ADAMTS2: variants seen among roughly 807,000 people sequenced by gnomAD.
The protein encoded by ADAMTS2 is ADAM metallopeptidase with thrombospondin type 1 motif 2, also known as A disintegrin and metalloproteinase with thrombospondin motifs 2.
A neutral mutation model predicts 123.0 loss-of-function variants in ADAMTS2; 50 were observed. That is an observed-to-expected ratio of 0.41 (90% CI 0.32 to 0.51). ADAMTS2 has a LOEUF of 0.51. ADAMTS2 is among the 20% of genes least tolerant of loss of function. The pLI is 0.35. For missense variants in ADAMTS2, 1,494 were observed against 1,705.2 expected, an observed-to-expected ratio of 0.88 and a Z score of 2.18; for synonymous variants, 678 against 695.4, an observed-to-expected ratio of 0.98 and a Z score of 0.39.
chr5:179,339,561 C>A (rs940186514), intron 2 of ADAMTS2, among the ~76,000 whole-genome samples: 1 of 152,170 alleles, frequency 6.6e-6, no homozygotes, highest in Non-Finnish European at 1.5e-5. Context: ...ACAAGTATGG[C>A]GGAGGCTGAG....
At chr5:179,173,831 G>A (rs1763875725) in intron 5 of ADAMTS2, among the ~76,000 whole-genome samples, 1 of 152,122 alleles carries the variant, frequency 6.6e-6, no homozygotes, top group Non-Finnish European at 1.5e-5. Flanking sequence ...GGCCAACCTG[G>A]TGAAACCCCA....
At chr5:179,126,157 C>T (rs372108778) in intron 17 of ADAMTS2, 27 bp from the exon 18 acceptor site, 143 of 1,612,456 alleles carry the variant, frequency 8.9e-5, no homozygotes, top group African/African-American at 8.0e-5. Context: ...CGACGGGGGT[C>T]GGTGGGGCAG....
chr5:179,318,035 G>T (rs1447850359), intron 2 of ADAMTS2, among the ~76,000 whole-genome samples: 1 of 152,152 alleles, frequency 6.6e-6, no homozygotes, highest in African/African-American at 2.4e-5. Flanking sequence ...CCTCCCCAAA[G>T]GTCAGGCAGG....
rs1243790535 is a variant in ADAMTS2 at position 179,262,817 on chromosome 5, G to A, written c.688+10094C>T. ...CTGTGAGCCCAGAGAACAGGGACTCGATCGGGTTCCTCCGCTGCTACAGCC... is the reference window on the plus strand; with the variant it reads ...CTGTGAGCCCAGAGAACAGGGACTCAATCGGGTTCCTCCGCTGCTACAGCC... On this transcript the variant is annotated intron_variant, in intron 3 of 21. Coordinates refer to ENST00000251582, the MANE Select transcript of ADAMTS2 (RefSeq NM_014244.5). This position sits in a 1 kb window ranked among gnomAD's most constrained non-coding sequence, Gnocchi z 5.9. Among the ~76,000 whole-genome samples the A allele has an allele frequency of 2.0e-5, 3 of 152,244 alleles. No individual in the cohort carries two copies. The highest frequency in any genetic ancestry group is 4.4e-5 in the Non-Finnish European group (3 of 68,036).
rs961791212 is a variant in ADAMTS2 at position 179,307,147 on chromosome 5, C to G, written c.535-34083G>C. Among the ~76,000 whole-genome samples, 18 of 152,190 alleles carry G rather than the reference C, an allele frequency of 1.2e-4. No homozygotes were observed. Among genetic ancestry groups the G allele is most frequent in the African/African-American group, 4.1e-4 (17 of 41,468 alleles). On this transcript the variant is annotated intron_variant, in intron 2 of 21. Transcript: ENST00000251582. This position sits in a 1 kb window ranked among gnomAD's most constrained non-coding sequence, Gnocchi z 5.6. ...AAGCCCGGCCCAGACCCTCGCCCTG[C>G]TAGCATGAGACAGACACAGGGGGCC...
At position 179,126,093 on chromosome 5, in the gene ADAMTS2, C is replaced by T. The variant is rs2113190514; in HGVS notation, c.2655G>A (p.Leu885=). ...QFTKYGCRRR[L]DHKMVHRGFC... ...AGCCACGGTGTACCATCTTGTGGTC[C>T]AGCCTCCGGCGGCAGCCATACTTGG... The change falls in exon 18 of 22, where the codon CTG becomes CTA. Residue 885 remains leucine, a synonymous_variant. Coordinates refer to ENST00000251582, the MANE Select transcript of ADAMTS2 (RefSeq NM_014244.5). 1 of 1,613,116 alleles carries T rather than the reference C, an allele frequency of 6.2e-7. No homozygotes were observed. The highest frequency in any genetic ancestry group is 8.5e-7 in the Non-Finnish European group (1 of 1,180,024).
At chr5:179,217,794 A>AGATAGGCACACTCACTAGGAGATGGTGTG (rs1189597143) in intron 3 of ADAMTS2, among the ~76,000 whole-genome samples, 20 of 91,272 alleles carry the variant, frequency 2.2e-4, no homozygotes, top group Non-Finnish European at 2.9e-4. Flanking sequence ...GGGATGGCGC[A>AGATAGGCACACTCACTAGGAGATGGTGTG]AGGGGGGGAT....
At chr5:179,264,174 C>T (rs937909750) in intron 3 of ADAMTS2, among the ~76,000 whole-genome samples, 8 of 152,160 alleles carry the variant, frequency 5.3e-5, no homozygotes, top group Non-Finnish European at 8.8e-5. Flanking sequence ...TCTCACCTGT[C>T]GCCCCACCCC....
At chr5:179,223,734 CACATGTGAGT>C (rs1385531880) in intron 3 of ADAMTS2, among the ~76,000 whole-genome samples, 3 of 152,242 alleles carry the variant, frequency 2.0e-5, no homozygotes, top group Non-Finnish European at 4.4e-5. Flanking sequence ...ATACATTCAT[CACATGTGAGT>C]GTATGTGAGT....
At position 179,128,824 on chromosome 5, in the gene ADAMTS2, C is replaced by T. The variant is rs1250690328; in HGVS notation, c.2458-706G>A. ...CAACACATGTATTTTCTTCTTAAGA[C>T]ACCACTGCTTCCTGGGCTTAGGAAC... On this transcript the variant is annotated intron_variant, in intron 16 of 21. Coordinates refer to ENST00000251582, the MANE Select transcript of ADAMTS2 (RefSeq NM_014244.5). This position sits in a 1 kb window ranked among gnomAD's most constrained non-coding sequence, Gnocchi z 4.9. Among the ~76,000 whole-genome samples the T allele has an allele frequency of 1.3e-5, 2 of 152,230 alleles. No homozygotes were observed. The highest frequency in any genetic ancestry group is 1.3e-4 in the Admixed American group (2 of 15,280).
intron 5 of ADAMTS2, among the ~76,000 whole-genome samples, chr5:179,168,215 C>T (rs1763744535): frequency 6.6e-6 from 1 of 152,188 alleles, no homozygotes; most frequent in African/African-American, 2.4e-5. Context: ...TGGAACCCTC[C>T]CCCTAGTCGT....
chr5:179,343,358 G>A lies in ADAMTS2; in HGVS notation c.534+409C>T, dbSNP rs541776778. On this transcript the variant is annotated intron_variant, in intron 2 of 21. Coordinates refer to ENST00000251582, the MANE Select transcript of ADAMTS2 (RefSeq NM_014244.5). ...ACGTGCACAAGAGACACTGGCACAC[G>A]CACATGTTCACACAGGTGCACGGGC... 1.1e-4 allele frequency among the ~76,000 whole-genome samples: 17 copies of A among 152,304 alleles called. No homozygotes were observed. In the East Asian group the frequency reaches 3.3e-3, roughly 29 times the overall value.
chr5:179,212,070 G>A (rs963197201), intron 3 of ADAMTS2, among the ~76,000 whole-genome samples: 1 of 152,250 alleles, frequency 6.6e-6, no homozygotes, highest in Non-Finnish European at 1.5e-5. Flanking sequence ...CACCAGCACT[G>A]AGGGGTGATT....
In ADAMTS2 at chr5:179,139,872, G is replaced by A. The variant is rs199809828; in HGVS notation, c.1775+18C>T. ...AGCTGCCACTCAGCAAGGCCAGGGG[G>A]ACATGGGGCCAACTCACTGTGGGTT... On this transcript the variant is annotated intron_variant, in intron 11 of 21. Coordinates refer to ENST00000251582, the MANE Select transcript of ADAMTS2 (RefSeq NM_014244.5). 2 of 1,611,628 alleles carry A rather than the reference G, an allele frequency of 1.2e-6. No homozygotes were observed.
chr5:179,296,829 G>T (rs1450932156), intron 2 of ADAMTS2, among the ~76,000 whole-genome samples: 1 of 152,094 alleles, frequency 6.6e-6, no homozygotes, highest in Non-Finnish European at 1.5e-5. Context: ...ACGGGCCACT[G>T]GTATCACTAA....
intron 19 of ADAMTS2, among the ~76,000 whole-genome samples, chr5:179,123,580 C>G (rs1268873298): frequency 6.6e-6 from 1 of 152,216 alleles, no homozygotes; most frequent in Non-Finnish European, 1.5e-5. Context: ...CACACGCCAC[C>G]ACATCTGGCT....
At chr5:179,187,368 G>A (rs1425648422) in intron 4 of ADAMTS2, among the ~76,000 whole-genome samples, 3 of 152,200 alleles carry the variant, frequency 2.0e-5, no homozygotes, top group African/African-American at 7.2e-5. Flanking sequence ...CGGCTAGCCC[G>A]GCTGCTCCTT....
At chr5:179,275,790 G>T (rs1766679437) in intron 2 of ADAMTS2, among the ~76,000 whole-genome samples, 1 of 152,248 alleles carries the variant, frequency 6.6e-6, no homozygotes, top group South Asian at 2.1e-4. Flanking sequence ...TCCGGCCTCA[G>T]AACTGTGAGA....
intron 3 of ADAMTS2, among the ~76,000 whole-genome samples, chr5:179,217,831 A>G (rs1194458855): frequency 4.8e-5 from 3 of 62,716 alleles, no homozygotes; most frequent in African/African-American, 2.9e-4. Context: ...GGATGGCCTG[A>G]GGGCAGACAG....
Sources: gnomAD v4.1 joint callset for allele counts (sites outside exome capture counted in the v4.1 genomes callset) on GRCh38, gnomAD v4.1.1 for gene constraint, Gnocchi (gnomAD v3.1) non-coding constraint, MANE v1.5 for transcripts, NCBI Gene and HGNC (gene_info 2026-07-23, HGNC 2026-07-21) for gene names.